The following HERC3 variants were observed in gnomAD, a reference collection of about 807,000 sequenced individuals.
HERC3 encodes the protein probable E3 ubiquitin-protein ligase HERC3.
A neutral mutation model predicts 129.9 loss-of-function variants in HERC3; 58 were observed. The ratio of observed to expected loss-of-function variants is 0.45; its 90% CI spans 0.36 to 0.56. The LOEUF is 0.56. HERC3 is among the 20% of genes least tolerant of loss of function. The pLI is 0.00. For synonymous variants in HERC3, 430 were observed against 451.0 expected (o/e 0.95, Z 0.59); for missense variants, 835 against 1,244.2 (o/e 0.67, Z 4.95).
chr4:88,643,081 A>G (rs1368590807), intron 3 of HERC3, among the ~76,000 whole-genome samples: 2 of 152,252 alleles, frequency 1.3e-5, no homozygotes, highest in Non-Finnish European at 2.9e-5. Flanking sequence ...AAAATGTACT[A>G]TATCTATATA....
At chr4:88,655,791 A>C in intron 8 of HERC3, 84 bp from the exon 9 acceptor site, 1 of 1,379,874 alleles carries the variant, frequency 7.2e-7, no homozygotes, top group South Asian at 1.3e-5. Flanking sequence ...TGTGCTGTGC[A>C]CATGTGGAAG....
chr4:88,687,136 A>C (rs1560765212), intron 22 of HERC3, 81 bp from the exon 23 acceptor site: 1 of 1,023,488 alleles, frequency 9.8e-7, no homozygotes, highest in Non-Finnish European at 1.5e-6. Context: ...TTGTTCCTAA[A>C]GCCTCTCTCA....
intron 3 of HERC3, among the ~76,000 whole-genome samples, chr4:88,622,304 G>C (rs1725613536): frequency 6.6e-6 from 1 of 152,204 alleles, no homozygotes; most frequent in South Asian, 2.1e-4. Flanking sequence ...GTTGTAGCAT[G>C]TATCAGTACT....
At chr4:88,622,854 G>C (rs1031560193) in intron 3 of HERC3, among the ~76,000 whole-genome samples, 1 of 152,040 alleles carries the variant, frequency 6.6e-6, no homozygotes, top group Non-Finnish European at 1.5e-5. Context: ...GCTTGAACCC[G>C]GGAGGCAGAG....
At chr4:88,631,613 T>G (rs529614829) in intron 3 of HERC3, among the ~76,000 whole-genome samples, 28 of 152,366 alleles carry the variant, frequency 1.8e-4, no homozygotes, top group African/African-American at 6.5e-4. Context: ...ATAACTTAAA[T>G]GAAGCATTAG....
At chr4:88,607,291 C>T (rs973433430) in intron 3 of HERC3, among the ~76,000 whole-genome samples, 2 of 152,046 alleles carry the variant, frequency 1.3e-5, no homozygotes, top group African/African-American at 4.8e-5. Context: ...AGGTGCAATA[C>T]TTGTTCAAGG....
chr4:88,609,907 T>C (rs1237260070), intron 3 of HERC3, among the ~76,000 whole-genome samples: 1 of 152,224 alleles, frequency 6.6e-6, no homozygotes, highest in Non-Finnish European at 1.5e-5. Flanking sequence ...CTTGATGATA[T>C]GCTAAACAAG....
the HERC3 span, among the ~76,000 whole-genome samples, chr4:88,533,268 C>T: frequency 3.3e-5 from 5 of 152,292 alleles, no homozygotes; most frequent in Middle Eastern, 3.4e-3. Flanking sequence ...CCCACGCTGG[C>T]AGGTGATTGG....
At chr4:88,643,069 C>G (rs1728299861) in intron 3 of HERC3, among the ~76,000 whole-genome samples, 1 of 151,892 alleles carries the variant, frequency 6.6e-6, no homozygotes, top group Admixed American at 6.6e-5. Flanking sequence ...GGTCAATACA[C>G]AAAAATGTAC....
chr4:88,609,860 C>T (rs976838702), intron 3 of HERC3, among the ~76,000 whole-genome samples: 19 of 152,044 alleles, frequency 1.2e-4, no homozygotes, highest in African/African-American at 3.1e-4. Flanking sequence ...TAGACAGAGC[C>T]CTGAAGTCTG....
chr4:88,690,723 T>A (rs1293659150), intron 23 of HERC3: 2 of 564,066 alleles, frequency 3.5e-6, no homozygotes, highest in African/African-American at 2.0e-5. Context: ...TCTTAGCATA[T>A]TTTTTGTCTC....
chr4:88,606,578 AAG>A (rs1723661198), intron 3 of HERC3, among the ~76,000 whole-genome samples: 1 of 152,212 alleles, frequency 6.6e-6, no homozygotes, highest in African/African-American at 2.4e-5. Flanking sequence ...TTAGAAAAGA[AAG>A]AGGTTTATTG....
At chr4:88,677,524 T>G (rs1004487860) in intron 18 of HERC3, among the ~76,000 whole-genome samples, 2 of 152,138 alleles carry the variant, frequency 1.3e-5, no homozygotes, top group Admixed American at 1.3e-4. Context: ...TGTTTTCATG[T>G]TGCTATATCT....
chr4:88,623,305 G>A (rs377694860), intron 3 of HERC3, among the ~76,000 whole-genome samples: 3 of 152,186 alleles, frequency 2.0e-5, no homozygotes, highest in African/African-American at 7.2e-5. Context: ...CACTCTGGGC[G>A]TTGCCTCTAG....
At chr4:88,579,219 T>TAAAA in the HERC3 span, among the ~76,000 whole-genome samples, 3 of 117,076 alleles carry the variant, frequency 2.6e-5, no homozygotes, top group African/African-American at 1.3e-4. Flanking sequence ...CTGTCTCTAC[T>TAAAA]AAAAAAAAAA....
At chr4:88,585,041 C>T in the HERC3 span, among the ~76,000 whole-genome samples, 3 of 152,162 alleles carry the variant, frequency 2.0e-5, no homozygotes, top group Non-Finnish European at 4.4e-5. Context: ...GATCAAGGCA[C>T]CAGCAGATTT....
chr4:88,551,690 T>G, the HERC3 span, among the ~76,000 whole-genome samples: 1 of 152,234 alleles, frequency 6.6e-6, no homozygotes, highest in African/African-American at 2.4e-5. Flanking sequence ...TTGGTGGGAC[T>G]GTAAACTAGT....
At chr4:88,636,088 A>G (rs116352181) in intron 3 of HERC3, among the ~76,000 whole-genome samples, 2,172 of 152,326 alleles carry the variant, frequency 0.014, 55 homozygotes, top group African/African-American at 0.049. Context: ...AAACGGCATC[A>G]ATTACCATGC....
At chr4:88,608,649 A>G (rs1009781214) in intron 3 of HERC3, among the ~76,000 whole-genome samples, 1 of 152,206 alleles carries the variant, frequency 6.6e-6, no homozygotes, top group Non-Finnish European at 1.5e-5. Context: ...AATGGTCTTC[A>G]TACTGGAACA....
Sources: gnomAD v4.1 joint callset for allele counts (sites outside exome capture counted in the v4.1 genomes callset) on GRCh38, gnomAD v4.1.1 for gene constraint, MANE v1.5 for transcripts, NCBI Gene and HGNC (gene_info 2026-07-23, HGNC 2026-07-21) for gene names.